Variants in PRKN observed in about 807,000 individuals in gnomAD.
PRKN encodes E3 ubiquitin-protein ligase parkin.
A neutral mutation model predicts 59.5 loss-of-function variants in PRKN; 56 were observed. That is an observed-to-expected ratio of 0.94 (90% confidence interval 0.76 to 1.18). PRKN has a LOEUF of 1.18. PRKN is among the 50% of genes most tolerant of loss of function. The pLI is 0.00. For synonymous variants in PRKN, 250 were observed against 222.1 expected (o/e 1.13, Z -1.12); for missense variants, 657 against 596.4 (o/e 1.10, Z -1.06).
At chr6:161,883,089 A>T (rs1409174415) in intron 6 of PRKN, among the ~76,000 whole-genome samples, 1 of 152,186 alleles carries the variant, frequency 6.6e-6, no homozygotes, top group Non-Finnish European at 1.5e-5. Context: ...TTACCTTTAC[A>T]TATAGATAAA....
intron 7 of PRKN, among the ~76,000 whole-genome samples, chr6:161,782,553 TG>T (rs1562680487): frequency 6.6e-6 from 1 of 152,150 alleles, no homozygotes; most frequent in Non-Finnish European, 1.5e-5. Context: ...GCTTTTGCTT[TG>T]GAATAATGGA....
At chr6:162,703,019 A>G (rs1778212656) in intron 1 of PRKN, among the ~76,000 whole-genome samples, 1 of 152,214 alleles carries the variant, frequency 6.6e-6, no homozygotes, top group African/African-American at 2.4e-5. Flanking sequence ...ATATTTACTT[A>G]AGACTTTACC....
Position 162,727,671 on chromosome 6 carries a change from T to G in PRKN, c.-3A>C, listed in dbSNP as rs1584139955. The stretch of plus-strand genomic sequence containing the variant: ...GCAGGTACCCACGTACCTATCATGG[T>G]CACTGGGTAGGTGGCGGCTGCGGGC... On this transcript the variant is annotated 5_prime_UTR_variant, in exon 1 of 12. Transcript: ENST00000366898. The G allele has an allele frequency of 6.3e-7, 1 of 1,582,368 alleles. No homozygotes were observed.
chr6:162,278,499 G>T (rs1182118798), intron 2 of PRKN, among the ~76,000 whole-genome samples: 1 of 152,122 alleles, frequency 6.6e-6, no homozygotes, highest in African/African-American at 2.4e-5. Context: ...CCGCTCTGGT[G>T]GGGGATGTTG....
intron 3 of PRKN, among the ~76,000 whole-genome samples, chr6:162,235,740 T>G (rs1583241737): frequency 6.6e-6 from 1 of 150,746 alleles, no homozygotes; most frequent in East Asian, 2.0e-4. Context: ...GAGGTGGAGG[T>G]TGCAGGGAGC....
chr6:162,483,824 A>G (rs1382741842), intron 1 of PRKN, among the ~76,000 whole-genome samples: 1 of 152,210 alleles, frequency 6.6e-6, no homozygotes, highest in African/African-American at 2.4e-5. Flanking sequence ...TGTCTATAAA[A>G]CTACTAATTG....
At chr6:162,038,809 G>T (rs954815893) in intron 5 of PRKN, among the ~76,000 whole-genome samples, 2 of 152,004 alleles carry the variant, frequency 1.3e-5, no homozygotes, top group African/African-American at 4.8e-5. Flanking sequence ...TCAATGCCTT[G>T]GGCATGACCA....
At chr6:162,510,924 A>AAAAC (rs757815695) in intron 1 of PRKN, among the ~76,000 whole-genome samples, 2 of 150,644 alleles carry the variant, frequency 1.3e-5, no homozygotes, top group Admixed American at 1.3e-4. Context: ...CTCAGTCTCA[A>AAAAC]AAACAAACAA....
intron 5 of PRKN, among the ~76,000 whole-genome samples, chr6:162,003,780 T>C (rs1034943831): frequency 6.6e-6 from 1 of 152,208 alleles, no homozygotes; most frequent in Non-Finnish European, 1.5e-5. Flanking sequence ...ATATGTATTC[T>C]GCTGTTTTGC....
At chr6:161,559,654 C>T (rs1173855132) in intron 8 of PRKN, among the ~76,000 whole-genome samples, 2 of 152,106 alleles carry the variant, frequency 1.3e-5, no homozygotes, top group Non-Finnish European at 2.9e-5. Context: ...TCTGCTTATT[C>T]TCTAGAAGCT....
chr6:162,206,194 C>T (rs1562580059), intron 3 of PRKN, among the ~76,000 whole-genome samples: 1 of 152,158 alleles, frequency 6.6e-6, no homozygotes, highest in Non-Finnish European at 1.5e-5. Flanking sequence ...GCAATGGCTC[C>T]ATCTCCATTT....
intron 4 of PRKN, among the ~76,000 whole-genome samples, chr6:162,066,641 T>C (rs565430703): frequency 7.7e-4 from 117 of 152,310 alleles, no homozygotes; most frequent in Admixed American, 3.6e-3. Flanking sequence ...CTGGAGCACA[T>C]AGAATTCAAG....
chr6:161,829,739 C>T (rs374864688), intron 6 of PRKN, among the ~76,000 whole-genome samples: 4 of 152,064 alleles, frequency 2.6e-5, no homozygotes, highest in African/African-American at 9.6e-5. Flanking sequence ...CAGCCCAGCT[C>T]CTCCACTCCC....
intron 1 of PRKN, among the ~76,000 whole-genome samples, chr6:162,579,160 CT>C (rs1291326028): frequency 1.3e-5 from 2 of 152,102 alleles, no homozygotes; most frequent in African/African-American, 4.8e-5. Flanking sequence ...CCATGTGCCC[CT>C]CTCCTCCAAT....
intron 2 of PRKN, among the ~76,000 whole-genome samples, chr6:162,380,819 A>G (rs1354961090): frequency 6.6e-6 from 1 of 152,068 alleles, no homozygotes; most frequent in East Asian, 1.9e-4. Flanking sequence ...TTGGAAATGA[A>G]GACATTCAGC....
At chr6:161,632,405 C>T (rs980205314) in intron 7 of PRKN, among the ~76,000 whole-genome samples, 2 of 152,106 alleles carry the variant, frequency 1.3e-5, no homozygotes, top group African/African-American at 4.8e-5. Context: ...AATGGCAAAA[C>T]GTTATCTAGT....
In PRKN at chr6:161,806,340, G is replaced by A. The variant is rs573344313; in HGVS notation, c.735-20432C>T. Among the ~76,000 whole-genome samples the A allele has an allele frequency of 7.9e-5, 12 of 152,250 alleles. No homozygotes were observed. In the East Asian group the frequency reaches 1.7e-3, roughly 22 times the overall value. ...ACAGCACTCACGGTTGTGGCTTCCCGAACACAGGACAGAGGCAGCGCATGA... is the reference window on the plus strand; with the variant it reads ...ACAGCACTCACGGTTGTGGCTTCCCAAACACAGGACAGAGGCAGCGCATGA... On this transcript the variant is annotated intron_variant, in intron 6 of 11. Coordinates refer to ENST00000366898, the MANE Select transcript of PRKN (RefSeq NM_004562.3).
intron 9 of PRKN, among the ~76,000 whole-genome samples, chr6:161,489,014 CAT>C (rs1777446201): frequency 6.6e-6 from 1 of 152,118 alleles, no homozygotes; most frequent in Non-Finnish European, 1.5e-5. Flanking sequence ...AGAAGAAAAA[CAT>C]GAAAGAAAAG....
At chr6:162,607,593 A>G (rs902201093) in intron 1 of PRKN, among the ~76,000 whole-genome samples, 6 of 152,064 alleles carry the variant, frequency 3.9e-5, no homozygotes. Context: ...CACATGGAAA[A>G]CATCCCACTG....
Sources: gnomAD v4.1 joint callset for allele counts (sites outside exome capture counted in the v4.1 genomes callset) on GRCh38, gnomAD v4.1.1 for gene constraint, MANE v1.5 for transcripts, NCBI Gene and HGNC (gene_info 2026-07-23, HGNC 2026-07-21) for gene names.